The following AGAP1 variants were observed in gnomAD, a reference collection of about 807,000 sequenced individuals.
AGAP1 encodes arf-GAP with GTPase, ANK repeat and PH domain-containing protein 1.
Under a neutral mutation model 105.3 loss-of-function variants are expected in AGAP1, and 29 were observed. The ratio of observed to expected loss-of-function variants is 0.28; its 90% CI spans 0.21 to 0.38. The LOEUF (loss-of-function observed/expected upper bound fraction) is 0.38. Among genes scored for constraint, AGAP1 ranks in the 10% least tolerant of loss-of-function variants. The probability of loss-of-function intolerance (pLI) is 1.00; values close to 1 mark genes in which losing one functional copy is unlikely to be tolerated. For missense variants in AGAP1, 998 were observed against 1,165.1 expected (o/e 0.86, Z 2.09); for synonymous variants, 509 against 485.9 (o/e 1.05, Z -0.63).
intron 11 of AGAP1, among the ~76,000 whole-genome samples, chr2:235,911,342 A>T (rs1450733385): frequency 2.0e-5 from 3 of 151,986 alleles, no homozygotes; most frequent in Non-Finnish European, 4.4e-5. Context: ...GGGCTTGGAG[A>T]CCCAGTGATG....
intron 16 of AGAP1, among the ~76,000 whole-genome samples, chr2:236,093,543 T>C (rs1048573898): frequency 6.6e-6 from 1 of 152,020 alleles, no homozygotes; most frequent in African/African-American, 2.4e-5. Flanking sequence ...AAAATACCAA[T>C]GTAAAGAAAG....
chr2:235,514,546 C>T (rs1474182189), intron 1 of AGAP1, among the ~76,000 whole-genome samples: 1 of 152,256 alleles, frequency 6.6e-6, no homozygotes, highest in African/African-American at 2.4e-5. Flanking sequence ...TGGGGCCCTG[C>T]CTGGGGGTTT....
At chr2:236,034,666 C>T (rs914730982) in intron 13 of AGAP1, among the ~76,000 whole-genome samples, 1 of 152,234 alleles carries the variant, frequency 6.6e-6, no homozygotes, top group Non-Finnish European at 1.5e-5. Flanking sequence ...CCCACTCCAG[C>T]CCGTATCGGT....
Position 235,535,887 on chromosome 2 carries a change from C to G in AGAP1, c.163+41038C>G, listed in dbSNP as rs370636945. 9.2e-5 allele frequency among the ~76,000 whole-genome samples: 14 copies of G among 151,988 alleles called. No individual in the cohort carries two copies. The highest frequency in any genetic ancestry group is 3.4e-4 in the African/African-American group (14 of 41,356). ...CGCGCAGGTAGCCTGGCCTTTGAAG[C>G]TCTCCAGGCTCTGGCCACAGTGGCT... On this transcript the variant is annotated intron_variant, in intron 1 of 17. Transcript: ENST00000304032. This position sits in a 1 kb window ranked among gnomAD's most constrained non-coding sequence, Gnocchi z 5.1.
rs923636729 is a variant in AGAP1 at position 235,792,504 on chromosome 2, C to T, written c.674-5255C>T. ...GTGGTAAGATTTGCCTTTGAGGTCG[C>T]CCTGTGGTGTGTTAGGGGCATTTAG... On this transcript the variant is annotated intron_variant, in intron 6 of 17. Coordinates refer to ENST00000304032, the MANE Select transcript of AGAP1 (RefSeq NM_001037131.3). This position sits in a 1 kb window ranked among gnomAD's most constrained non-coding sequence, Gnocchi z 5.3. Among the ~76,000 whole-genome samples the T allele has an allele frequency of 2.6e-5, 4 of 152,126 alleles. No homozygotes were observed. Among genetic ancestry groups the T allele is most frequent in the African/African-American group, 9.7e-5 (4 of 41,416 alleles).
chr2:235,885,773 A>G (rs376903426), intron 10 of AGAP1, among the ~76,000 whole-genome samples: 2 of 152,226 alleles, frequency 1.3e-5, no homozygotes, highest in Admixed American at 6.5e-5. Flanking sequence ...TTCCGTCGGC[A>G]TCTCTCACTG....
chr2:236,074,382 T>A (rs1233709755), intron 16 of AGAP1, among the ~76,000 whole-genome samples: 1 of 152,190 alleles, frequency 6.6e-6, no homozygotes, highest in Non-Finnish European at 1.5e-5. Flanking sequence ...TGGATCAGCA[T>A]ATAAAGATAC....
rs1164264146 is a variant in AGAP1 at position 235,556,640 on chromosome 2, T to C, written c.163+61791T>C. Among the ~76,000 whole-genome samples the C allele has an allele frequency of 6.6e-6, 1 of 152,252 alleles. No homozygotes were observed. The highest frequency in any genetic ancestry group is 1.5e-5 in the Non-Finnish European group (1 of 68,044). ...ATACTCTGGTTCCCTCTCTCCCCTA[T>C]GTGCAAGTAAATAACATGCTACTAT... On this transcript the variant is annotated intron_variant, in intron 1 of 17. Transcript: ENST00000304032. The surrounding 1 kb of genome is among the most constrained non-coding windows in gnomAD (Gnocchi z 5.3).
At chr2:236,079,939 A>T (rs1015991236) in intron 16 of AGAP1, among the ~76,000 whole-genome samples, 4 of 152,322 alleles carry the variant, frequency 2.6e-5, no homozygotes, top group Admixed American at 6.5e-5. Flanking sequence ...GGTCTAAGAT[A>T]TGAGACTTCA....
chr2:235,833,134 G>A (rs183981290), intron 9 of AGAP1, among the ~76,000 whole-genome samples: 6 of 152,336 alleles, frequency 3.9e-5, no homozygotes, highest in African/African-American at 7.2e-5. Context: ...GGCAGGACCC[G>A]AGGGTGCAGG....
chr2:235,997,732 T>A (rs1352508484), intron 13 of AGAP1, among the ~76,000 whole-genome samples: 1 of 152,196 alleles, frequency 6.6e-6, no homozygotes, highest in Admixed American at 6.5e-5. Flanking sequence ...AACTTTTTTT[T>A]TTCCTAACTA....
chr2:235,670,366 T>C, intron 1 of AGAP1: 1 of 537,444 alleles, frequency 1.9e-6, no homozygotes, highest in Non-Finnish European at 3.4e-6. Flanking sequence ...GGCCGCGCGC[T>C]TGGGATTTCC....
At chr2:235,685,162 G>T (rs1028210914) in intron 1 of AGAP1, among the ~76,000 whole-genome samples, 1 of 152,074 alleles carries the variant, frequency 6.6e-6, no homozygotes, top group African/African-American at 2.4e-5. Flanking sequence ...CACGCCTTGT[G>T]AGGGGACCTT....
intron 13 of AGAP1, among the ~76,000 whole-genome samples, chr2:236,023,895 A>G (rs557299442): frequency 1.3e-5 from 2 of 152,290 alleles, no homozygotes; most frequent in East Asian, 3.9e-4. Context: ...CCCAGGACCC[A>G]GATTCTCATC....
chr2:235,704,976 T>TC (rs1950460799), intron 1 of AGAP1, among the ~76,000 whole-genome samples: 1 of 124,790 alleles, frequency 8.0e-6, no homozygotes, highest in South Asian at 3.2e-4. Flanking sequence ...TTTCTTTTTT[T>TC]TTTTTTTTTT....
In AGAP1 at chr2:235,992,093, G is replaced by A. The variant is rs1225538264; in HGVS notation, c.1645+23470G>A. ...CCGTAGCCGTGTGTGGAGAAGGGTT[G>A]TGATGGTGGCCATCACGAGACCCAG... On this transcript the variant is annotated intron_variant, in intron 13 of 17. Coordinates refer to ENST00000304032, the MANE Select transcript of AGAP1 (RefSeq NM_001037131.3). This position sits in a 1 kb window ranked among gnomAD's most constrained non-coding sequence, Gnocchi z 4.8. Among the ~76,000 whole-genome samples the A allele has an allele frequency of 1.3e-5, 2 of 152,236 alleles. No homozygotes were observed. The highest frequency in any genetic ancestry group is 2.4e-5 in the African/African-American group (1 of 41,466).
At chr2:235,509,031 G>T (rs141366085) in intron 1 of AGAP1, among the ~76,000 whole-genome samples, 3 of 152,216 alleles carry the variant, frequency 2.0e-5, no homozygotes, top group Non-Finnish European at 2.9e-5. Flanking sequence ...CATCCTAGCC[G>T]TGTGGGGTGT....
intron 1 of AGAP1, among the ~76,000 whole-genome samples, chr2:235,678,581 A>G (rs1204767956): frequency 1.3e-5 from 2 of 152,098 alleles, no homozygotes; most frequent in African/African-American, 4.8e-5. Context: ...GATGGACTTC[A>G]AGTCCCATCC....
Position 236,036,423 on chromosome 2 carries a change from C to A in AGAP1, c.1646-138C>A. The A allele has an allele frequency of 1.8e-6, 2 of 1,139,610 alleles. No individual in the cohort carries two copies. Among genetic ancestry groups the A allele is most frequent in the South Asian group, 1.5e-5 (1 of 66,628 alleles). The allele number at this position is 1,139,610 out of a possible 1,614,324, so 70.6% of individuals were successfully genotyped here. ...GTGCATGGATTCAAATCTCCGCCGC[C>A]GTGGTTGTCCAGTGCCGTGCGCCTC... On this transcript the variant is annotated intron_variant, in intron 13 of 17. Coordinates refer to ENST00000304032, the MANE Select transcript of AGAP1 (RefSeq NM_001037131.3). This position sits in a 1 kb window ranked among gnomAD's most constrained non-coding sequence, Gnocchi z 5.7.
Sources: allele counts gnomAD v4.1 joint callset (sites outside exome capture counted in the v4.1 genomes callset), GRCh38; gene constraint gnomAD v4.1.1; non-coding constraint Gnocchi (gnomAD v3.1); transcripts MANE v1.5; gene names NCBI Gene and HGNC (gene_info 2026-07-23, HGNC 2026-07-21).